Variants in DENND1B observed in about 807,000 individuals in gnomAD.
The protein encoded by DENND1B is DENN domain-containing protein 1B.
A neutral mutation model predicts 90.1 loss-of-function variants in DENND1B; 59 were observed. The ratio of observed to expected loss-of-function variants is 0.65; its 90% CI spans 0.53 to 0.81. The LOEUF (loss-of-function observed/expected upper bound fraction) is 0.81. Among genes scored for constraint, DENND1B ranks in the 40% least tolerant of loss-of-function variants. The pLI is 0.00. For missense variants in DENND1B, 862 were observed against 912.6 expected (o/e 0.94, Z 0.71); for synonymous variants, 337 against 324.6 (o/e 1.04, Z -0.41).
chr1:197,591,751 T>A (rs914513572), intron 14 of DENND1B, among the ~76,000 whole-genome samples: 5 of 152,150 alleles, frequency 3.3e-5, no homozygotes, highest in Non-Finnish European at 7.4e-5. Flanking sequence ...TTTCCATTAG[T>A]GAATACTGAA....
intron 15 of DENND1B, among the ~76,000 whole-genome samples, chr1:197,558,294 C>G (rs933813605): frequency 6.7e-5 from 10 of 148,692 alleles, no homozygotes; most frequent in African/African-American, 1.7e-4. Flanking sequence ...AGATATTATC[C>G]CATAGTATGG....
At chr1:197,612,316 C>T (rs1286474288) in intron 11 of DENND1B, among the ~76,000 whole-genome samples, 1 of 150,514 alleles carries the variant, frequency 6.6e-6, no homozygotes, top group African/African-American at 2.4e-5. Flanking sequence ...TTTCCGTATA[C>T]CTCATAGCAA....
In DENND1B at chr1:197,510,754, A is replaced by AC; in HGVS notation, c.2033dup (p.Ser678ArgfsTer2). ...GGAAATCCAGTCCTGAAGTAGGGTC[A>AC]CTCACATTGTCAGCACCGAGGTGCT... On this transcript the variant is annotated frameshift_variant, in exon 23 of 23. Coordinates refer to ENST00000620048, the MANE Select transcript of DENND1B (RefSeq NM_001195215.2). LOFTEE classifies it low-confidence loss of function (END_TRUNC). The AC allele has an allele frequency of 6.2e-7, 1 of 1,612,652 alleles. No individual in the cohort carries two copies. Among genetic ancestry groups the AC allele is most frequent in the Non-Finnish European group, 8.5e-7 (1 of 1,179,192 alleles).
chr1:197,640,720 T>C (rs1474602208), intron 10 of DENND1B, among the ~76,000 whole-genome samples: 2 of 152,172 alleles, frequency 1.3e-5, no homozygotes, highest in African/African-American at 2.4e-5. Flanking sequence ...TTCAAAAACA[T>C]ATACTCAGAT....
intron 2 of DENND1B, among the ~76,000 whole-genome samples, chr1:197,741,265 C>G (rs1307450386): frequency 6.6e-6 from 1 of 152,084 alleles, no homozygotes; most frequent in Non-Finnish European, 1.5e-5. Flanking sequence ...GATAGAGTAA[C>G]CAATTAATTC....
At chr1:197,543,676 G>A (rs1465975976) in intron 18 of DENND1B, among the ~76,000 whole-genome samples, 1 of 152,142 alleles carries the variant, frequency 6.6e-6, no homozygotes. Context: ...CAGAGGCTGA[G>A]GTTTCTAAGG....
chr1:197,734,609 C>A, intron 2 of DENND1B: 1 of 982,234 alleles, frequency 1.0e-6, no homozygotes, highest in Non-Finnish European at 1.2e-6. Flanking sequence ...ACATTACATT[C>A]GTAATTTAAA....
intron 2 of DENND1B, among the ~76,000 whole-genome samples, chr1:197,750,441 A>G (rs960529774): frequency 6.6e-6 from 1 of 152,186 alleles, no homozygotes; most frequent in African/African-American, 2.4e-5. Flanking sequence ...AACAAAAACC[A>G]AAAGTACAAC....
At chr1:197,562,900 T>C (rs1672293971) in intron 15 of DENND1B, among the ~76,000 whole-genome samples, 1 of 151,842 alleles carries the variant, frequency 6.6e-6, no homozygotes, top group Admixed American at 6.6e-5. Flanking sequence ...ATTGCTGAGA[T>C]GGAGAACGTT....
rs1311414104 is a variant in DENND1B, at chr1:197,506,520, G to C, written c.*3940C>G. On this transcript the variant is annotated 3_prime_UTR_variant, in exon 23 of 23. Coordinates refer to ENST00000620048, the MANE Select transcript of DENND1B (RefSeq NM_001195215.2). Reference sequence around the variant, plus strand: ...GTCAAACAAAATGGAATTTGTATAAGAAAATTTATTCATGAAAATAATCAG... The same window carrying C: ...GTCAAACAAAATGGAATTTGTATAACAAAATTTATTCATGAAAATAATCAG... 6.6e-6 allele frequency: 1 copy of C among 151,456 alleles called. No individual in the cohort carries two copies. The highest frequency in any genetic ancestry group is 1.5e-5 in the Non-Finnish European group (1 of 67,600). 9.4% of individuals were successfully genotyped at this position (151,456 alleles called of 1,614,324 possible).
At chr1:197,651,122 T>C (rs969549700) in intron 7 of DENND1B, among the ~76,000 whole-genome samples, 2 of 152,130 alleles carry the variant, frequency 1.3e-5, no homozygotes, top group Admixed American at 6.5e-5. Flanking sequence ...AAGACTTATA[T>C]ATACTTTGAG....
upstream of DENND1B, among the ~76,000 whole-genome samples, chr1:197,776,142 C>T (rs1238510562): frequency 6.6e-6 from 1 of 152,142 alleles, no homozygotes; most frequent in Non-Finnish European, 1.5e-5. Context: ...TAGGCGAGTT[C>T]AGAGAGGGCA....
intron 13 of DENND1B, among the ~76,000 whole-genome samples, chr1:197,602,876 A>AT (rs1431870404): frequency 6.6e-6 from 1 of 151,396 alleles, no homozygotes; most frequent in Non-Finnish European, 1.5e-5. Context: ...GCTCTTAATG[A>AT]TTTTTGGTGA....
chr1:197,686,199 GT>G (rs1272619058), intron 3 of DENND1B, among the ~76,000 whole-genome samples: 1 of 152,056 alleles, frequency 6.6e-6, no homozygotes, highest in Admixed American at 6.6e-5. Context: ...AGCTTTCTCA[GT>G]TAAAAATAAA....
At chr1:197,524,581 A>T (rs897743374) in intron 20 of DENND1B, among the ~76,000 whole-genome samples, 1 of 152,160 alleles carries the variant, frequency 6.6e-6, no homozygotes, top group Non-Finnish European at 1.5e-5. Context: ...AAAAATAAAC[A>T]TCAATGAAGT....
intron 2 of DENND1B, among the ~76,000 whole-genome samples, chr1:197,737,899 C>T (rs974327443): frequency 8.5e-5 from 13 of 152,124 alleles, no homozygotes; most frequent in Non-Finnish European, 1.8e-4. Context: ...TAAAGCATTA[C>T]TTAGTTCTAA....
At chr1:197,626,869 A>G (rs1678794425) in intron 10 of DENND1B, among the ~76,000 whole-genome samples, 1 of 152,188 alleles carries the variant, frequency 6.6e-6, no homozygotes. Flanking sequence ...CCACAGAAAT[A>G]CAAACTACCA....
At chr1:197,614,815 T>C (rs945556407) in intron 11 of DENND1B, among the ~76,000 whole-genome samples, 8 of 151,064 alleles carry the variant, frequency 5.3e-5, no homozygotes, top group Admixed American at 1.3e-4. Flanking sequence ...AAGAGTCATA[T>C]AGCCTAAATA....
At chr1:197,593,169 G>T (rs1288727379) in intron 14 of DENND1B, among the ~76,000 whole-genome samples, 1 of 151,664 alleles carries the variant, frequency 6.6e-6, no homozygotes, top group African/African-American at 2.4e-5. Flanking sequence ...AATGTATAAA[G>T]ATAATGGTTG....
Sources: gnomAD v4.1 joint callset for allele counts (sites outside exome capture counted in the v4.1 genomes callset) on GRCh38, gnomAD v4.1.1 for gene constraint, MANE v1.5 for transcripts, NCBI Gene and HGNC (gene_info 2026-07-23, HGNC 2026-07-21) for gene names.